The following SLC8A1 variants were observed in gnomAD, a reference collection of about 807,000 sequenced individuals.
The protein encoded by SLC8A1 is solute carrier family 8 member A1, also known as sodium/calcium exchanger 1.
A neutral mutation model predicts 68.3 loss-of-function variants in SLC8A1; 18 were observed. The observed-to-expected ratio is 0.26, with a 90% CI of 0.18 to 0.39. SLC8A1 has a LOEUF of 0.39. Ranked by LOEUF, SLC8A1 falls within the 10% of genes least tolerant of loss-of-function variation. The pLI is 1.00. For missense variants in SLC8A1, 985 were observed against 1,156.7 expected (o/e 0.85, Z 2.15); for synonymous variants, 475 against 415.5 (o/e 1.14, Z -1.74).
chr2:40,339,021 C>T (rs1559305111), intron 2 of SLC8A1, among the ~76,000 whole-genome samples: 1 of 152,184 alleles, frequency 6.6e-6, no homozygotes, highest in Non-Finnish European at 1.5e-5. Context: ...CTGCTCTGTG[C>T]TATTGTGTCA....
chr2:40,158,696 T>C (rs1373535390), intron 6 of SLC8A1, among the ~76,000 whole-genome samples: 1 of 152,174 alleles, frequency 6.6e-6, no homozygotes, highest in Admixed American at 6.6e-5. Context: ...TAAAGGGCAG[T>C]AGATAGCACA....
At position 40,445,963 on chromosome 2, in the gene SLC8A1, T is replaced by A. The variant is rs564759953; in HGVS notation, c.-25+5941A>T. On this transcript the variant is annotated intron_variant, in intron 1 of 7. Coordinates refer to ENST00000406785, the Ensembl canonical transcript of SLC8A1. The stretch of plus-strand genomic sequence containing the variant: ...ATGTAGAGTAAGCAGTCTCATTCTC[T>A]CAACCTGCTACCAGGATGGGATGCT... Among the ~76,000 whole-genome samples the A allele has an allele frequency of 3.3e-5, 5 of 152,284 alleles. No individual in the cohort carries two copies. The South Asian group carries it at 1.0e-3, about 32-fold the overall frequency.
intron 2 of SLC8A1, among the ~76,000 whole-genome samples, chr2:40,233,390 T>A: frequency 6.6e-6 from 1 of 151,586 alleles, no homozygotes; most frequent in East Asian, 1.9e-4. Flanking sequence ...TGCATAAATG[T>A]CTTCTTTTGA....
At chr2:40,259,361 C>T (rs1490743108) in intron 2 of SLC8A1, among the ~76,000 whole-genome samples, 1 of 152,242 alleles carries the variant, frequency 6.6e-6, no homozygotes, top group African/African-American at 2.4e-5. Flanking sequence ...ATCCACTTAA[C>T]AGAAGTCCTA....
intron 2 of SLC8A1, among the ~76,000 whole-genome samples, chr2:40,318,067 C>A (rs907380154): frequency 6.6e-6 from 1 of 152,046 alleles, no homozygotes; most frequent in Admixed American, 6.6e-5. Flanking sequence ...GGATTCACGG[C>A]AACAAGTACT....
intron 6 of SLC8A1, among the ~76,000 whole-genome samples, chr2:40,146,993 A>G (rs965441350): frequency 2.0e-5 from 3 of 152,236 alleles, no homozygotes; most frequent in African/African-American, 4.8e-5. Flanking sequence ...ATGAACATCT[A>G]GATGAAATCA....
At chr2:40,306,250 G>C (rs2072567962) in intron 2 of SLC8A1, among the ~76,000 whole-genome samples, 1 of 152,192 alleles carries the variant, frequency 6.6e-6, no homozygotes, top group Non-Finnish European at 1.5e-5. Flanking sequence ...CTAAATCTCA[G>C]CCCCAAATGG....
chr2:40,156,073 G>A (rs1308227448), intron 6 of SLC8A1, among the ~76,000 whole-genome samples: 3 of 152,214 alleles, frequency 2.0e-5, no homozygotes, highest in Non-Finnish European at 4.4e-5. Flanking sequence ...GAAGTGAAGT[G>A]TATGCTGCTA....
intron 1 of SLC8A1, among the ~76,000 whole-genome samples, chr2:40,446,988 CTTGT>C (rs1701565095): frequency 6.6e-6 from 1 of 152,166 alleles, no homozygotes; most frequent in Non-Finnish European, 1.5e-5. Flanking sequence ...GAATCACTAC[CTTGT>C]TTGACTTGCT....
At chr2:40,118,405 G>A (rs2035979534) in intron 7 of SLC8A1, 1 of 152,112 alleles carries the variant, frequency 6.6e-6, no homozygotes, top group Non-Finnish European at 1.5e-5. Flanking sequence ...AAAGATTGAA[G>A]AAGGTATGGG....
chr2:40,229,021 G>GT (rs1324115195), intron 2 of SLC8A1, among the ~76,000 whole-genome samples: 3 of 151,970 alleles, frequency 2.0e-5, no homozygotes, highest in African/African-American at 7.2e-5. Context: ...TTTCATAATG[G>GT]TTTACATGCA....
At chr2:40,277,794 G>GTATA (rs56145701) in intron 2 of SLC8A1, among the ~76,000 whole-genome samples, 4,761 of 107,510 alleles carry the variant, frequency 0.044, 136 homozygotes, top group Middle Eastern at 0.077. Context: ...ATATATGTGT[G>GTATA]TATATATATA....
chr2:40,308,943 T>A (rs1401411973), intron 2 of SLC8A1, among the ~76,000 whole-genome samples: 3 of 152,154 alleles, frequency 2.0e-5, no homozygotes, highest in Non-Finnish European at 4.4e-5. Context: ...TGCAAAATAT[T>A]TGGGGGACTG....
rs201766443 is a variant in SLC8A1, at chr2:40,503,311, G to A, written c.-25+9038C>T. ...TTAACTCTGTCTCATAGTTCTCACC[G>A]AGCTGCTTTGCAACGGCCTGTTTTT... is the stretch of plus-strand genomic sequence containing the variant. On this transcript the variant is annotated intron_variant, in intron 1 of 7. Coordinates refer to the SLC8A1 transcript ENST00000402441. Among the ~76,000 whole-genome samples the A allele has an allele frequency of 2.6e-5, 4 of 151,754 alleles. No homozygotes were observed. In the South Asian group the frequency reaches 6.2e-4, roughly 24 times the overall value.
At chr2:40,489,459 C>G (rs575735037) in intron 1 of SLC8A1, among the ~76,000 whole-genome samples, 4 of 152,112 alleles carry the variant, frequency 2.6e-5, no homozygotes, top group Non-Finnish European at 4.4e-5. Context: ...TTCCCATGGT[C>G]ACGGTCTGTG....
At chr2:40,319,246 G>A (rs13031392) in intron 2 of SLC8A1, among the ~76,000 whole-genome samples, 26,365 of 152,004 alleles carry the variant, frequency 0.17, 2,800 homozygotes, top group East Asian at 0.35. Flanking sequence ...ACAAGTGTTC[G>A]TGAAGCTTCC....
rs543158445 is a variant in SLC8A1, at chr2:40,511,385, C to A, written c.-25+964G>T. On this transcript the variant is annotated intron_variant, in intron 1 of 7. Coordinates refer to the SLC8A1 transcript ENST00000402441. ...GTTTGGCAGGAGTTCACAGACTTTG[C>A]TAACAATTTTAACAGATATGCTTTA... Among the ~76,000 whole-genome samples the A allele has an allele frequency of 1.0e-3, 153 of 152,192 alleles. 4 individuals are homozygous for A. The South Asian group carries it at 0.03, about 30-fold the overall frequency.
intron 4 of SLC8A1, among the ~76,000 whole-genome samples, chr2:40,174,121 A>G (rs1162001829): frequency 6.6e-6 from 1 of 152,114 alleles, no homozygotes; most frequent in Non-Finnish European, 1.5e-5. Flanking sequence ...TGTTATTAAT[A>G]CTAAAACCTA....
intron 2 of SLC8A1, among the ~76,000 whole-genome samples, chr2:40,207,568 G>A (rs1284428496): frequency 4.0e-5 from 6 of 151,858 alleles, no homozygotes; most frequent in Non-Finnish European, 7.4e-5. Context: ...TACTCGAAAT[G>A]ACTTTAAATG....
Sources: allele counts gnomAD v4.1 joint callset (sites outside exome capture counted in the v4.1 genomes callset), GRCh38; gene constraint gnomAD v4.1.1; transcripts MANE v1.5; gene names NCBI Gene and HGNC (gene_info 2026-07-23, HGNC 2026-07-21).